Variants in KHDRBS2 observed in about 807,000 individuals in gnomAD.
KHDRBS2 encodes the protein KH domain-containing, RNA-binding, signal transduction-associated protein 2.
Under a neutral mutation model 44.3 loss-of-function variants are expected in KHDRBS2, and 26 were observed. That is an observed-to-expected ratio of 0.59 (90% CI 0.43 to 0.81). The LOEUF (loss-of-function observed/expected upper bound fraction) is 0.81, where lower values mean the gene tolerates loss of function less well. Ranked by LOEUF, KHDRBS2 falls within the 40% of genes least tolerant of loss-of-function variation. KHDRBS2 has a pLI of 0.00. For synonymous variants in KHDRBS2, 194 were observed against 151.1 expected (o/e 1.28, Z -2.08); for missense variants, 476 against 433.1 (o/e 1.10, Z -0.88).
intron 2 of KHDRBS2, among the ~76,000 whole-genome samples, chr6:62,114,391 G>T (rs1339330936): frequency 6.6e-6 from 1 of 152,110 alleles, no homozygotes; most frequent in African/African-American, 2.4e-5. Flanking sequence ...TTAAGGAACT[G>T]CTTCTGAAAT....
chr6:62,070,281 T>C (rs547522308), intron 2 of KHDRBS2, among the ~76,000 whole-genome samples: 2 of 151,788 alleles, frequency 1.3e-5, no homozygotes, highest in African/African-American at 4.8e-5. Context: ...CTTTGTCTGG[T>C]TTTGGCATTA....
intron 1 of KHDRBS2, among the ~76,000 whole-genome samples, chr6:62,190,752 C>A (rs572874371): frequency 2.4e-4 from 37 of 152,186 alleles, no homozygotes; most frequent in Admixed American, 1.6e-3. Context: ...TTCTCTTTTA[C>A]CACAATCTTC....
intron 4 of KHDRBS2, among the ~76,000 whole-genome samples, chr6:61,949,067 C>T (rs1168365184): frequency 6.6e-6 from 1 of 152,066 alleles, no homozygotes; most frequent in East Asian, 1.9e-4. Flanking sequence ...TCCAAAAGAT[C>T]GTTCTCATCT....
chr6:61,966,677 C>A (rs1770016510), intron 4 of KHDRBS2, among the ~76,000 whole-genome samples: 1 of 151,990 alleles, frequency 6.6e-6, no homozygotes, highest in Non-Finnish European at 1.5e-5. Context: ...CACAGCACCC[C>A]AAAACTATTC....
the KHDRBS2 span, among the ~76,000 whole-genome samples, chr6:61,549,142 G>T: frequency 6.6e-6 from 1 of 152,126 alleles, no homozygotes; most frequent in Non-Finnish European, 1.5e-5. Context: ...GGAGATTAAG[G>T]AGGGCATCTT....
chr6:62,109,948 C>T (rs1239867455), intron 2 of KHDRBS2, among the ~76,000 whole-genome samples: 2 of 151,728 alleles, frequency 1.3e-5, no homozygotes, highest in Non-Finnish European at 2.9e-5. Flanking sequence ...TAGGAGGAAA[C>T]TTTCATGACT....
chr6:61,927,275 CA>C (rs1204595790), intron 4 of KHDRBS2, among the ~76,000 whole-genome samples: 1 of 151,694 alleles, frequency 6.6e-6, no homozygotes, highest in Non-Finnish European at 1.5e-5. Context: ...GATTTATTTT[CA>C]AAAAACATAT....
At chr6:62,112,084 T>A (rs1805137091) in intron 2 of KHDRBS2, among the ~76,000 whole-genome samples, 2 of 152,124 alleles carry the variant, frequency 1.3e-5, no homozygotes, top group Admixed American at 6.6e-5. Context: ...AAGACCATAG[T>A]TCATACTTCT....
chr6:62,207,929 T>G (rs1211727422), intron 1 of KHDRBS2, among the ~76,000 whole-genome samples: 3 of 152,168 alleles, frequency 2.0e-5, no homozygotes, highest in Admixed American at 1.3e-4. Flanking sequence ...AAATCTTATT[T>G]GACAAAAATC....
At chr6:61,773,151 T>A (rs200283153) in intron 6 of KHDRBS2, among the ~76,000 whole-genome samples, 35,345 of 151,652 alleles carry the variant, frequency 0.23, 4,743 homozygotes, top group South Asian at 0.35. Context: ...TTTGGGTATA[T>A]ACCCAGTAAT....
At chr6:61,662,591 A>G in the KHDRBS2 span, among the ~76,000 whole-genome samples, 270 of 152,322 alleles carry the variant, frequency 1.8e-3, no homozygotes, top group African/African-American at 6.0e-3. Context: ...TGGGTGAAGG[A>G]TATGAACAGA....
At chr6:62,047,806 C>T in intron 3 of KHDRBS2, 72 bp downstream of exon 3, 2 of 895,328 alleles carry the variant, frequency 2.2e-6, no homozygotes. Context: ...TTCAGGCATG[C>T]TTGTAAATTT....
At chr6:61,799,265 A>G (rs916096428) in intron 6 of KHDRBS2, among the ~76,000 whole-genome samples, 6 of 152,058 alleles carry the variant, frequency 3.9e-5, no homozygotes, top group African/African-American at 1.4e-4. Flanking sequence ...ATAATTTTGA[A>G]TAACTCGAGG....
intron 7 of KHDRBS2, among the ~76,000 whole-genome samples, chr6:61,729,885 C>A (rs1304007235): frequency 6.6e-6 from 1 of 152,036 alleles, no homozygotes; most frequent in Admixed American, 6.6e-5. Flanking sequence ...AATATTGCTT[C>A]ACAGTTTGTA....
intron 2 of KHDRBS2, among the ~76,000 whole-genome samples, chr6:62,065,129 A>G (rs2127334973): frequency 6.6e-6 from 1 of 151,142 alleles, no homozygotes; most frequent in African/African-American, 2.4e-5. Context: ...AAAGTCAGGA[A>G]ACAACAGGTG....
intron 3 of KHDRBS2, among the ~76,000 whole-genome samples, chr6:61,996,338 T>C (rs1777161188): frequency 6.6e-6 from 1 of 152,168 alleles, no homozygotes; most frequent in Non-Finnish European, 1.5e-5. Flanking sequence ...GATACTGATG[T>C]CAAGAGTTTG....
At chr6:62,200,771 A>C (rs1423998015) in intron 1 of KHDRBS2, among the ~76,000 whole-genome samples, 7 of 152,216 alleles carry the variant, frequency 4.6e-5, no homozygotes, top group African/African-American at 1.7e-4. Context: ...TGCTGCTATA[A>C]GGACACATGC....
chr6:61,577,547 A>G, the KHDRBS2 span, among the ~76,000 whole-genome samples: 1 of 152,288 alleles, frequency 6.6e-6, no homozygotes, highest in South Asian at 2.1e-4. Context: ...AAGACTTTGA[A>G]CGTTTATATA....
At chr6:61,567,146 A>T in the KHDRBS2 span, among the ~76,000 whole-genome samples, 285 of 152,316 alleles carry the variant, frequency 1.9e-3, 7 homozygotes, top group East Asian at 0.048. Context: ...TGTTTCAATG[A>T]TTACATTTCA....
Sources: gnomAD v4.1 joint callset for allele counts (sites outside exome capture counted in the v4.1 genomes callset) on GRCh38, gnomAD v4.1.1 for gene constraint, MANE v1.5 for transcripts, NCBI Gene and HGNC (gene_info 2026-07-23, HGNC 2026-07-21) for gene names.